CHRNA5: variants seen among roughly 807,000 people sequenced by gnomAD.
The protein encoded by CHRNA5 is cholinergic receptor nicotinic alpha 5 subunit.
Under a neutral mutation model 41.2 loss-of-function variants are expected in CHRNA5, and 28 were observed. That is an observed-to-expected ratio of 0.68 (90% CI 0.50 to 0.93). The LOEUF is 0.93. Ranked by LOEUF, CHRNA5 falls within the 40% of genes least tolerant of loss-of-function variation. CHRNA5 has a pLI of 0.00. For missense variants in CHRNA5, 481 were observed against 581.9 expected (o/e 0.83, Z 1.78); for synonymous variants, 188 against 205.8 (o/e 0.91, Z 0.74).
At chr15:78,589,529 C>A (rs188711175) in intron 4 of CHRNA5, 95 of 345,634 alleles carry the variant, frequency 2.7e-4, no homozygotes, top group African/African-American at 1.8e-3. Flanking sequence ...AAGGTGAGGT[C>A]TTTTCAATCA....
intron 3 of CHRNA5, 145 bp downstream of exon 3, chr15:78,586,834 A>G (rs1596062867): frequency 1.5e-6 from 1 of 670,296 alleles, no homozygotes; most frequent in South Asian, 2.1e-5. Flanking sequence ...GATTGGCAGG[A>G]CACAGAAAGA....
intron 1 of CHRNA5, among the ~76,000 whole-genome samples, chr15:78,573,209 G>A (rs564183911): frequency 1.5e-3 from 234 of 152,128 alleles, no homozygotes; most frequent in Non-Finnish European, 2.9e-3. Flanking sequence ...AACATACAGG[G>A]CACAGGACAG....
chr15:78,578,425 T>A (rs1207275156), intron 1 of CHRNA5, among the ~76,000 whole-genome samples: 1 of 152,172 alleles, frequency 6.6e-6, no homozygotes, highest in East Asian at 1.9e-4. Flanking sequence ...GAGAATCACT[T>A]GAACCTGGGA....
rs181453266 is a variant in CHRNA5 at position 78,582,933 on chromosome 15, T to C, written c.258+1971T>C. The stretch of plus-strand genomic sequence containing the variant: ...TTACTTCTTGGGAGAATTTTCCTAC[T>C]GGCACTAGCCATTTATTATTCAAGG... On this transcript the variant is annotated intron_variant, in intron 2 of 5. Coordinates refer to ENST00000299565, the Ensembl canonical transcript of CHRNA5. 2.5e-3 allele frequency among the ~76,000 whole-genome samples: 381 copies of C among 152,336 alleles called. 1 individual carries two copies. The highest frequency in any genetic ancestry group is 8.9e-3 in the African/African-American group (370 of 41,582).
exon 5 of CHRNA5, chr15:78,590,125 T>C (rs1164607160): frequency 1.2e-6 from 2 of 1,614,226 alleles, no homozygotes; most frequent in Non-Finnish European, 1.7e-6. Flanking sequence ...TACTCATTTG[T>C]AATCAAGCGC....
chr15:78,591,362 C>T, intron 5 of CHRNA5: 1 of 130,850 alleles, frequency 7.6e-6, no homozygotes, highest in East Asian at 2.2e-4. Flanking sequence ...CCGAGCAAGA[C>T]TCCGTCTCAA....
intron 1 of CHRNA5, among the ~76,000 whole-genome samples, chr15:78,573,002 C>A (rs73463082): frequency 2.6e-5 from 4 of 152,126 alleles, no homozygotes; most frequent in African/African-American, 9.7e-5. Flanking sequence ...ATTATAGCAT[C>A]ATTTTGAGAA....
At chr15:78,570,762 T>C (rs2052797092) in intron 1 of CHRNA5, among the ~76,000 whole-genome samples, 1 of 152,200 alleles carries the variant, frequency 6.6e-6, no homozygotes, top group East Asian at 1.9e-4. Flanking sequence ...CAACTGTATG[T>C]ATGGAATTAG....
At chr15:78,585,261 G>C (rs932516986) in intron 2 of CHRNA5, among the ~76,000 whole-genome samples, 1 of 152,118 alleles carries the variant, frequency 6.6e-6, no homozygotes, top group Non-Finnish European at 1.5e-5. Context: ...GAACTGCAGT[G>C]TAAGAGAGAT....
At chr15:78,581,011 A>T in intron 2 of CHRNA5, 49 bp downstream of exon 2, 1 of 1,572,702 alleles carries the variant, frequency 6.4e-7, no homozygotes, top group Non-Finnish European at 8.6e-7. Flanking sequence ...ATTTAGTGAG[A>T]GCCTGGTGTG....
At chr15:78,570,424 A>ACTTTTTTTTT (rs1555414803) in intron 1 of CHRNA5, among the ~76,000 whole-genome samples, 1 of 64,184 alleles carries the variant, frequency 1.6e-5, no homozygotes, top group Admixed American at 2.5e-4. Context: ...AATCCCGGCT[A>ACTTTTTTTTT]TTTTTTTTTT....
At chr15:78,576,495 T>C (rs1192719275) in intron 1 of CHRNA5, among the ~76,000 whole-genome samples, 2 of 152,084 alleles carry the variant, frequency 1.3e-5, no homozygotes, top group African/African-American at 4.8e-5. Context: ...TAAAATGTAA[T>C]AATGTAATAA....
chr15:78,566,358 TTCGGGGCTAA>T (rs1420605629), intron 1 of CHRNA5, among the ~76,000 whole-genome samples: 1 of 152,234 alleles, frequency 6.6e-6, no homozygotes, highest in African/African-American at 2.4e-5. Flanking sequence ...CTTCCCTGGC[TTCGGGGCTAA>T]TCGTTTGCAT....
At chr15:78,570,022 T>G (rs1036612539) in intron 1 of CHRNA5, among the ~76,000 whole-genome samples, 1 of 149,796 alleles carries the variant, frequency 6.7e-6, no homozygotes, top group African/African-American at 2.5e-5. Flanking sequence ...GTTTCTCCAT[T>G]TTGGCCAGGC....
In CHRNA5 at chr15:78,583,029, A is replaced by AT. The variant is rs199906605; in HGVS notation, c.258+2080dup. On this transcript the variant is annotated intron_variant, in intron 2 of 5. Coordinates refer to ENST00000299565, the Ensembl canonical transcript of CHRNA5. Reference sequence around the variant, plus strand: ...TAAGACAGCCTCTCCTGTGTTCAAAATTTTTTTTTTTTTGCACTTTAATAT... The same window carrying AT: ...TAAGACAGCCTCTCCTGTGTTCAAAATTTTTTTTTTTTTTGCACTTTAATAT... Among the ~76,000 whole-genome samples the AT allele has an allele frequency of 0.01, 1,522 of 146,726 alleles. 141 individuals carry two copies. The East Asian group carries it at 0.25, about 24-fold the overall frequency.
chr15:78,574,941 T>C (rs73463090), intron 1 of CHRNA5, among the ~76,000 whole-genome samples: 5,911 of 149,486 alleles, frequency 0.04, 354 homozygotes, highest in African/African-American at 0.12. Flanking sequence ...CCACTGTACT[T>C]CAGCTTGGGC....
intron 1 of CHRNA5, among the ~76,000 whole-genome samples, chr15:78,571,467 T>C (rs1000249068): frequency 4.6e-5 from 7 of 152,160 alleles, no homozygotes; most frequent in African/African-American, 9.7e-5. Flanking sequence ...TTTTATTCCA[T>C]AATATTGTAA....
At chr15:78,574,599 T>C (rs1873107754) in intron 1 of CHRNA5, among the ~76,000 whole-genome samples, 1 of 152,128 alleles carries the variant, frequency 6.6e-6, no homozygotes, top group South Asian at 2.1e-4. Flanking sequence ...ACAAGAATGG[T>C]CCAAAGTAAT....
exon 6 of CHRNA5, chr15:78,595,161 G>T (rs1011032709): frequency 9.4e-5 from 33 of 349,636 alleles, no homozygotes; most frequent in Non-Finnish European, 1.3e-4. Context: ...CTGGTGTGAT[G>T]AATTTAGATT....
Sources: allele counts gnomAD v4.1 joint callset (sites outside exome capture counted in the v4.1 genomes callset), GRCh38; gene constraint gnomAD v4.1.1; transcripts MANE v1.5; gene names NCBI Gene and HGNC (gene_info 2026-07-23, HGNC 2026-07-21).